TTC34: variants seen among roughly 807,000 people sequenced by gnomAD.
TTC34 encodes tetratricopeptide repeat protein 34.
Under a neutral mutation model 40.7 loss-of-function variants are expected in TTC34, and 44 were observed. The observed-to-expected ratio is 1.08, with a 90% CI of 0.85 to 1.39. The LOEUF (loss-of-function observed/expected upper bound fraction) is 1.39. TTC34 is among the 40% of genes most tolerant of loss of function. TTC34 has a pLI of 0.00. For missense variants in TTC34, 884 were observed against 838.0 expected, an observed-to-expected ratio of 1.05 and a Z score of -0.68; for synonymous variants, 422 against 398.6, an observed-to-expected ratio of 1.06 and a Z score of -0.70.
At chr1:2,699,685 C>G (rs534941477) in intron 6 of TTC34, among the ~76,000 whole-genome samples, 1 of 58,460 alleles carries the variant, frequency 1.7e-5, no homozygotes, top group African/African-American at 4.1e-5. Context: ...CCTGGAGCAG[C>G]GCCCACACCT....
chr1:2,759,160 C>G (rs1481730443), intron 6 of TTC34, among the ~76,000 whole-genome samples: 6 of 102,608 alleles, frequency 5.8e-5, no homozygotes, highest in East Asian at 3.7e-4. Context: ...CCCACACCCC[C>G]AGGCGAGCAT....
intron 6 of TTC34, among the ~76,000 whole-genome samples, chr1:2,691,588 G>C (rs1362562243): frequency 4.1e-5 from 5 of 120,546 alleles, no homozygotes; most frequent in South Asian, 2.5e-4. Context: ...CACATGCCCA[G>C]GTGAGACCCT....
At chr1:2,644,378 C>T in exon 8 of TTC34, 1 of 1,536,044 alleles carries the variant, frequency 6.5e-7, no homozygotes. Flanking sequence ...GCACGTCTCC[C>T]TTCTTGAGCT....
Position 2,642,349 on chromosome 1 carries a change from G to C in TTC34, c.2713-454C>G, listed in dbSNP as rs139504311. Among the ~76,000 whole-genome samples the C allele has an allele frequency of 3.0e-4, 45 of 152,220 alleles. No homozygotes were observed. The East Asian group carries it at 7.0e-3, about 24-fold the overall frequency. On this transcript the variant is annotated intron_variant, in intron 8 of 8. Coordinates refer to ENST00000401095, the Ensembl canonical transcript of TTC34. Reference sequence around the variant, plus strand: ...CTGGGCCAAGTCACCTCTCCATCGGGCCCTCTGAGGGGGCTGCTGCCCAGC... The same window carrying C: ...CTGGGCCAAGTCACCTCTCCATCGGCCCCTCTGAGGGGGCTGCTGCCCAGC...
At chr1:2,653,185 C>G (rs1639208486) in intron 6 of TTC34, among the ~76,000 whole-genome samples, 2 of 152,258 alleles carry the variant, frequency 1.3e-5, no homozygotes, top group Admixed American at 6.5e-5. Context: ...GAGCATCTGA[C>G]AGCCTGGAAC....
chr1:2,685,556 C>A (rs200614031), intron 6 of TTC34, among the ~76,000 whole-genome samples: 388 of 100,434 alleles, frequency 3.9e-3, no homozygotes, highest in Middle Eastern at 0.032. Flanking sequence ...GCAGCACCCA[C>A]ACTCCCAGGC....
At chr1:2,750,598 C>CTG (rs1641285650) in intron 6 of TTC34, among the ~76,000 whole-genome samples, 1 of 66,830 alleles carries the variant, frequency 1.5e-5, no homozygotes. Context: ...TGGAGCAGCA[C>CTG]CCCACACCCA....
At chr1:2,692,663 C>T (rs1409566436) in intron 6 of TTC34, among the ~76,000 whole-genome samples, 1 of 115,908 alleles carries the variant, frequency 8.6e-6, no homozygotes, top group Admixed American at 8.5e-5. Flanking sequence ...CAGCACCCCA[C>T]ACCCACAGGT....
chr1:2,749,478 C>G (rs1385886010), intron 6 of TTC34, among the ~76,000 whole-genome samples: 4 of 105,512 alleles, frequency 3.8e-5, no homozygotes, highest in African/African-American at 8.9e-5. Flanking sequence ...GGAACAGCAC[C>G]CACATCCCCA....
intron 6 of TTC34, among the ~76,000 whole-genome samples, chr1:2,686,086 G>T (rs1181304990): frequency 6.1e-5 from 6 of 97,712 alleles, no homozygotes; most frequent in Non-Finnish European, 1.4e-4. Context: ...CACACCCCCA[G>T]GCGAGCATCT....
intron 6 of TTC34, among the ~76,000 whole-genome samples, chr1:2,687,224 A>G (rs71503034): frequency 4.8e-5 from 7 of 146,038 alleles, no homozygotes; most frequent in Non-Finnish European, 5.9e-5. Flanking sequence ...AGCATCCGAC[A>G]GCCTGGAGCA....
intron 6 of TTC34, among the ~76,000 whole-genome samples, chr1:2,688,078 C>T: frequency 6.6e-6 from 1 of 151,976 alleles, no homozygotes; most frequent in African/African-American, 2.4e-5. Context: ...CCTGGAACAG[C>T]ACCCTGCACC....
chr1:2,800,270 C>T (rs545679876), exon 2 of TTC34: 3 of 398,634 alleles, frequency 7.5e-6, no homozygotes, highest in Admixed American at 4.4e-5. Flanking sequence ...CACTGAGCAG[C>T]GCGGGGAGGT....
chr1:2,672,558 T>A (rs1162960651), intron 6 of TTC34, among the ~76,000 whole-genome samples: 86 of 17,142 alleles, frequency 5.0e-3, no homozygotes, highest in East Asian at 7.5e-3. Context: ...CCATAGCCCA[T>A]GGTGAGCATC....
At chr1:2,790,029 C>G (rs1195989794) in exon 3 of TTC34, 1 of 396,548 alleles carries the variant, frequency 2.5e-6, no homozygotes, top group Non-Finnish European at 4.4e-6. Context: ...GGTCGCGCCC[C>G]GGCAGGCGCC....
intron 6 of TTC34, among the ~76,000 whole-genome samples, chr1:2,764,315 T>A (rs1302451038): frequency 1.4e-5 from 2 of 140,540 alleles, no homozygotes; most frequent in African/African-American, 5.4e-5. Flanking sequence ...CAGGCGAGCA[T>A]CTGACAGCCT....
At chr1:2,772,847 C>A (rs1642461813) in intron 6 of TTC34, among the ~76,000 whole-genome samples, 1 of 88,174 alleles carries the variant, frequency 1.1e-5, no homozygotes, top group Non-Finnish European at 2.5e-5. Flanking sequence ...CCTGGAACAG[C>A]ACCCCACACC....
chr1:2,785,311 C>G (rs1464104475), intron 5 of TTC34, among the ~76,000 whole-genome samples: 1 of 152,104 alleles, frequency 6.6e-6, no homozygotes, highest in Non-Finnish European at 1.5e-5. Context: ...CCCAGGAGAT[C>G]CCTGCGAGTC....
intron 2 of TTC34, among the ~76,000 whole-genome samples, chr1:2,799,696 C>T (rs1643752387): frequency 6.6e-6 from 1 of 152,158 alleles, no homozygotes; most frequent in African/African-American, 2.4e-5. Context: ...CCGACAGTCG[C>T]CCTGGCCCCC....
Sources: allele counts gnomAD v4.1 joint callset (sites outside exome capture counted in the v4.1 genomes callset), GRCh38; gene constraint gnomAD v4.1.1; transcripts MANE v1.5; gene names NCBI Gene and HGNC (gene_info 2026-07-23, HGNC 2026-07-21).